Variants in ZNF609 observed in about 807,000 individuals in gnomAD.
The protein encoded by ZNF609 is zinc finger protein 609.
A neutral mutation model predicts 109.5 loss-of-function variants in ZNF609; 11 were observed. That is an observed-to-expected ratio of 0.10 (90% CI 0.06 to 0.17). The LOEUF (loss-of-function observed/expected upper bound fraction) is 0.17, where lower values mean the gene tolerates loss of function less well. Among genes scored for constraint, ZNF609 ranks in the 10% least tolerant of loss-of-function variants. The pLI, the probability that ZNF609 is intolerant of heterozygous loss-of-function variation, is 1.00. For missense variants in ZNF609, 1,559 were observed against 1,772.4 expected, an observed-to-expected ratio of 0.88 and a Z score of 2.16; for synonymous variants, 646 against 662.0, an observed-to-expected ratio of 0.98 and a Z score of 0.37.
chr15:64,477,635 T>TC (rs977877840), intron 1 of ZNF609, among the ~76,000 whole-genome samples: 2 of 151,168 alleles, frequency 1.3e-5, no homozygotes, highest in Non-Finnish European at 3.0e-5. Flanking sequence ...TTTTTTTTTT[T>TC]TTCTTTTTTT....
intron 2 of ZNF609, among the ~76,000 whole-genome samples, chr15:64,596,092 T>C (rs1350907822): frequency 6.6e-6 from 1 of 152,188 alleles, no homozygotes; most frequent in South Asian, 2.1e-4. Context: ...TGTTTTTCCA[T>C]GGTGTGTCTA....
At chr15:64,666,836 C>T (rs374892044) in intron 3 of ZNF609, among the ~76,000 whole-genome samples, 1 of 149,106 alleles carries the variant, frequency 6.7e-6, no homozygotes. Flanking sequence ...TTTTAAAAAT[C>T]TAAGATTTGG....
chr15:64,598,232 A>G (rs1057499712), intron 2 of ZNF609, among the ~76,000 whole-genome samples: 1 of 152,136 alleles, frequency 6.6e-6, no homozygotes, highest in Non-Finnish European at 1.5e-5. Flanking sequence ...CTTGTGCCTC[A>G]GCCACCCAAA....
At position 64,675,690 on chromosome 15, in the gene ZNF609, G is replaced by A. The variant is rs773888080; in HGVS notation, c.2836G>A (p.Glu946Lys). 3.7e-6 allele frequency: 6 copies of A among 1,613,856 alleles called. No homozygotes were observed. In the East Asian group the frequency reaches 1.1e-4, roughly 30 times the overall value. Residue 946 changes from glutamate to lysine, a missense_variant, in exon 5 of 10, where the codon GAA becomes AAA. Coordinates refer to ENST00000326648, the MANE Select transcript of ZNF609 (RefSeq NM_015042.2). ...EGKVKNDICEEKKPELSSSSQ... is the reference protein window; with the variant it reads ...EGKVKNDICEKKKPELSSSSQ... ...GAAAGTGAAGAACGATATCTGTGAA[G>A]AAAAGAAGCCCGAGCTGAGCAGTTC...
chr15:64,525,810 G>A (rs1384523076), intron 2 of ZNF609, among the ~76,000 whole-genome samples: 2 of 150,104 alleles, frequency 1.3e-5, no homozygotes, highest in Non-Finnish European at 1.5e-5. Context: ...TTGAGACAGA[G>A]TCTCACTCTG....
rs12901193 is a variant in ZNF609 at position 64,675,031 on chromosome 15, A to G, written c.2177A>G (p.Asp726Gly). The G allele has an allele frequency of 3.1e-6, 5 of 1,614,162 alleles. No individual in the cohort carries two copies. Among genetic ancestry groups the G allele is most frequent in the Non-Finnish European group, 4.2e-6 (5 of 1,180,046 alleles). Reference protein sequence around the residue: ...TVNPALTPAKDKKKKDKKKKE... With the variant: ...TVNPALTPAKGKKKKDKKKKE... ...AACCCTGCCTTGACTCCAGCCAAGG[A>G]CAAGAAAAAGAAAGACAAAAAAAAG... is the stretch of plus-strand genomic sequence containing the variant. Residue 726 changes from aspartate (D) to glycine (G), a missense_variant, in exon 5 of 10, where the codon GAC becomes GGC. This residue lies in a region of ZNF609 where 1,204 missense variants were observed against 1,314.1 expected (regional missense o/e 0.92). Coordinates refer to ENST00000326648, the MANE Select transcript of ZNF609 (RefSeq NM_015042.2).
At chr15:64,525,422 T>C (rs534899784) in intron 2 of ZNF609, among the ~76,000 whole-genome samples, 1 of 152,344 alleles carries the variant, frequency 6.6e-6, no homozygotes, top group African/African-American at 2.4e-5. Flanking sequence ...ACTCTCAGTT[T>C]TGTTCCGTTG....
chr15:64,679,838 C>T (rs760240128), intron 6 of ZNF609, among the ~76,000 whole-genome samples: 2 of 152,192 alleles, frequency 1.3e-5, no homozygotes, highest in Non-Finnish European at 2.9e-5. Flanking sequence ...GCTAGTAAGT[C>T]TCAGAGTAAG....
At chr15:64,464,916 A>G (rs1327003869) in intron 1 of ZNF609, among the ~76,000 whole-genome samples, 1 of 152,212 alleles carries the variant, frequency 6.6e-6, no homozygotes, top group African/African-American at 2.4e-5. Context: ...TTCAGTTTGT[A>G]TGTGTGAAAT....
chr15:64,565,893 G>T (rs1291243284), intron 2 of ZNF609, among the ~76,000 whole-genome samples: 2 of 151,938 alleles, frequency 1.3e-5, no homozygotes, highest in Non-Finnish European at 2.9e-5. Context: ...CTGTCACCCA[G>T]GCTAGAGTGC....
chr15:64,619,156 T>A (rs1302361457), intron 2 of ZNF609, among the ~76,000 whole-genome samples: 2 of 152,218 alleles, frequency 1.3e-5, no homozygotes, highest in Middle Eastern at 3.4e-3. Flanking sequence ...GTTGTTTTTG[T>A]TTTTGTTTTT....
intron 2 of ZNF609, among the ~76,000 whole-genome samples, chr15:64,556,255 C>A (rs1232460457): frequency 6.6e-6 from 1 of 151,908 alleles, no homozygotes. Flanking sequence ...CTTGGTCTCC[C>A]AAAGTGCTGG....
In ZNF609 at chr15:64,678,417, A is replaced by G. The variant is rs1439760120; in HGVS notation, c.3704A>G (p.Gln1235Arg). 1 of 1,612,326 alleles carries G rather than the reference A, an allele frequency of 6.2e-7. No individual in the cohort carries two copies. The highest frequency in any genetic ancestry group is 8.5e-7 in the Non-Finnish European group (1 of 1,178,990). The change falls in exon 6 of 10, where the codon CAG (glutamine) becomes CGG (arginine). Residue 1235 changes from glutamine (Q) to arginine (R), a missense_variant. By Grantham distance (43) the Gln-to-Arg change is conservative. Coordinates refer to ENST00000326648, the MANE Select transcript of ZNF609 (RefSeq NM_015042.2). Reference protein sequence around the residue: ...IPYMHGYSYSQSYDPNHPSYR... With the variant: ...IPYMHGYSYSRSYDPNHPSYR... ...TACATGCACGGCTATTCCTACAGTC[A>G]GTCCTACGACCCCAACCACCCCAGC...
intron 2 of ZNF609, among the ~76,000 whole-genome samples, chr15:64,592,486 G>C (rs745453726): frequency 6.6e-6 from 1 of 152,180 alleles, no homozygotes; most frequent in Non-Finnish European, 1.5e-5. Flanking sequence ...GCTAAGGCAC[G>C]AGAATTGCTT....
In ZNF609 at chr15:64,637,085, G is replaced by C. The variant is rs544101309; in HGVS notation, c.973+14033G>C. On this transcript the variant is annotated intron_variant, in intron 3 of 9. Coordinates refer to ENST00000326648, the MANE Select transcript of ZNF609 (RefSeq NM_015042.2). ...TAGCTAGCCCTTCTCCCCACCCCAG[G>C]TAACCAATCTCATTGTTAATACCAT... 4.6e-5 allele frequency among the ~76,000 whole-genome samples: 7 copies of C among 152,016 alleles called. No individual in the cohort carries two copies. In the South Asian group the frequency reaches 1.5e-3, roughly 32 times the overall value.
At chr15:64,647,619 A>G (rs1306421935) in intron 3 of ZNF609, among the ~76,000 whole-genome samples, 1 of 152,198 alleles carries the variant, frequency 6.6e-6, no homozygotes, top group Non-Finnish European at 1.5e-5. Flanking sequence ...CATAACATTA[A>G]ATGACCTTCT....
chr15:64,643,263 G>A (rs548070522), intron 3 of ZNF609, among the ~76,000 whole-genome samples: 6 of 152,244 alleles, frequency 3.9e-5, no homozygotes, highest in African/African-American at 1.2e-4. Flanking sequence ...TGCTGCAGGC[G>A]TGAGCCACCA....
intron 1 of ZNF609, among the ~76,000 whole-genome samples, chr15:64,495,064 A>T (rs543054996): frequency 6.6e-6 from 1 of 151,602 alleles, no homozygotes; most frequent in Non-Finnish European, 1.5e-5. Context: ...AAAAAGTACA[A>T]TTTTTAAAAA....
chr15:64,630,904 G>C (rs1464155402), intron 3 of ZNF609, among the ~76,000 whole-genome samples: 6 of 152,178 alleles, frequency 3.9e-5, no homozygotes, highest in African/African-American at 1.4e-4. Context: ...TTTCTAACCA[G>C]TTGAGTAACT....
Sources: allele counts gnomAD v4.1 joint callset (sites outside exome capture counted in the v4.1 genomes callset), GRCh38; gene constraint gnomAD v4.1.1; regional missense constraint gnomAD v4.1.1; transcripts MANE v1.5; gene names NCBI Gene and HGNC (gene_info 2026-07-23, HGNC 2026-07-21).